The following MED13 variants were observed in gnomAD, a reference collection of about 807,000 sequenced individuals.
MED13 encodes mediator complex subunit 13, also known as mediator of RNA polymerase II transcription subunit 13.
MED13 carries 23 observed loss-of-function variants against 225.2 expected under a neutral mutation model. The observed-to-expected ratio is 0.10, with a 90% CI of 0.07 to 0.14. The LOEUF is 0.14. Among genes scored for constraint, MED13 ranks in the 10% least tolerant of loss-of-function variants. MED13 has a pLI of 1.00. For synonymous variants in MED13, 942 were observed against 889.2 expected, an observed-to-expected ratio of 1.06 and a Z score of -1.06; for missense variants, 2,197 against 2,594.5, an observed-to-expected ratio of 0.85 and a Z score of 3.33.
At chr17:61,957,115 C>T (rs1040716229) in intron 23 of MED13, among the ~76,000 whole-genome samples, 6 of 152,050 alleles carry the variant, frequency 3.9e-5, no homozygotes, top group Non-Finnish European at 7.4e-5. Flanking sequence ...GGCACAATCT[C>T]GGCTCACTGC....
chr17:61,982,828 G>A lies in MED13; in HGVS notation c.3175C>T (p.Pro1059Ser), dbSNP rs1351187385. The A allele has an allele frequency of 6.2e-7, 1 of 1,614,184 alleles. No individual in the cohort carries two copies. The highest frequency in any genetic ancestry group is 1.7e-5 in the Admixed American group (1 of 60,008). The change falls in exon 16 of 30, where the codon CCT (proline) becomes TCT (serine). Residue 1059 changes from proline (P) to serine (S), a missense_variant. Pro to Ser is a moderately conservative substitution (Grantham distance 74). Coordinates refer to ENST00000397786, the MANE Select transcript of MED13 (RefSeq NM_005121.3). ...STCRPLNSVE[P>S]ATVPSIPEAH... is the part of the protein sequence containing the mutation. ...TCAGGGATGGAAGGGACAGTTGCAGGTTCAACAGAATTAAGGGGTCTGCAT... is the reference window on the plus strand; with the variant it reads ...TCAGGGATGGAAGGGACAGTTGCAGATTCAACAGAATTAAGGGGTCTGCAT...
At chr17:62,004,571 A>G (rs1350495236) in intron 9 of MED13, 1 of 152,208 alleles carries the variant, frequency 6.6e-6, no homozygotes, top group Non-Finnish European at 1.5e-5. Flanking sequence ...TGGTGTAGCT[A>G]AATCAGGAGA....
rs985882065 is a variant in MED13, at chr17:61,942,844, G to C, written c.*3624C>G. 6.6e-6 allele frequency: 1 copy of C among 152,472 alleles called. No homozygotes were observed. Among genetic ancestry groups the C allele is most frequent in the Non-Finnish European group, 1.5e-5 (1 of 67,968 alleles). The allele number at this position is 152,472 out of a possible 1,614,324, so 9.4% of individuals were successfully genotyped here. ...CAACTTTAAAACGCCCCTTCATAAA[G>C]TGACCAAGCTATTTTGAGAGGGTTG... On this transcript the variant is annotated 3_prime_UTR_variant, in exon 30 of 30. Transcript: ENST00000397786.
chr17:61,955,153 T>C (rs769597602), intron 26 of MED13, among the ~76,000 whole-genome samples: 8 of 152,228 alleles, frequency 5.3e-5, no homozygotes, highest in Non-Finnish European at 8.8e-5. Flanking sequence ...TCTTCTCTTC[T>C]ATGTAGTCAA....
rs2079910310 is a variant in MED13 at position 61,953,014 on chromosome 17, G to A, written c.6068C>T (p.Pro2023Leu). ...GTAATGAGATCCTGGAGAATGTACA[G>A]GAGAACCAGTTGGAGAAGCAGGAAG... ...NILPASPTGSPVHSPGSHYPH... is the reference protein window; with the variant it reads ...NILPASPTGSLVHSPGSHYPH... The change falls in exon 27 of 30, where the codon CCT (proline) becomes CTT (leucine). Residue 2023 changes from proline (P) to leucine (L), a missense_variant. Pro to Leu is a moderately conservative substitution (Grantham distance 98). Transcript: ENST00000397786. 6.2e-7 allele frequency: 1 copy of A among 1,614,104 alleles called. No homozygotes were observed. The highest frequency in any genetic ancestry group is 1.3e-5 in the African/African-American group (1 of 75,046).
chr17:61,962,804 A>G lies in MED13; in HGVS notation c.5012T>C (p.Leu1671Pro), dbSNP rs2080013665. The G allele has an allele frequency of 6.2e-7, 1 of 1,614,082 alleles. No individual in the cohort carries two copies. Among genetic ancestry groups the G allele is most frequent in the Non-Finnish European group, 8.5e-7 (1 of 1,180,052 alleles). Residue 1671 changes from leucine (L) to proline (P), a missense_variant, in exon 21 of 30, where the codon CTA (leucine) becomes CCA (proline). Transcript: ENST00000397786. ...VWTLGLLRCF[L>P]EMVQTLPPHI... ...AGGAGGAAGAGTCTGGACCATTTCT[A>G]GAAAGCATCGAAGTAGCCCCAATGT...
chr17:62,015,997 T>G (rs2080576215), intron 8 of MED13, among the ~76,000 whole-genome samples: 1 of 107,858 alleles, frequency 9.3e-6, no homozygotes. Flanking sequence ...AGAGACCGGT[T>G]TTTGCCATGT....
At chr17:62,038,065 C>A in intron 3 of MED13, among the ~76,000 whole-genome samples, 1 of 140,712 alleles carries the variant, frequency 7.1e-6, no homozygotes, top group East Asian at 2.4e-4. Context: ...TTCTTAAAAA[C>A]ACAGTTTTCA....
intron 23 of MED13, among the ~76,000 whole-genome samples, chr17:61,957,692 C>G (rs1296842190): frequency 6.6e-6 from 1 of 152,026 alleles, no homozygotes; most frequent in East Asian, 1.9e-4. Context: ...TGGAAATAGC[C>G]AGATTTGGTC....
At chr17:61,990,767 T>C (rs1186358586) in intron 11 of MED13, among the ~76,000 whole-genome samples, 2 of 152,076 alleles carry the variant, frequency 1.3e-5, no homozygotes, top group African/African-American at 2.4e-5. Context: ...TACTATACTA[T>C]GTCTCTCTAT....
At chr17:62,048,054 A>G (rs1456008190) in intron 3 of MED13, among the ~76,000 whole-genome samples, 2 of 145,756 alleles carry the variant, frequency 1.4e-5, no homozygotes, top group Non-Finnish European at 3.0e-5. Flanking sequence ...ATATATATAT[A>G]TATATATATG....
At chr17:62,044,854 G>T (rs2080885350) in intron 3 of MED13, among the ~76,000 whole-genome samples, 1 of 152,146 alleles carries the variant, frequency 6.6e-6, no homozygotes, top group Non-Finnish European at 1.5e-5. Flanking sequence ...TAGAGACAGG[G>T]TTTCACCATG....
At chr17:62,014,195 G>A (rs1269250030) in intron 8 of MED13, among the ~76,000 whole-genome samples, 1 of 152,016 alleles carries the variant, frequency 6.6e-6, no homozygotes, top group Non-Finnish European at 1.5e-5. Flanking sequence ...CACCATCTAT[G>A]AAGTACTCTT....
chr17:62,049,129 G>A (rs1039603110), intron 3 of MED13, among the ~76,000 whole-genome samples: 1 of 144,340 alleles, frequency 6.9e-6, no homozygotes, highest in African/African-American at 2.6e-5. Flanking sequence ...CAACAAGAAG[G>A]GAAAAGCAAA....
intron 8 of MED13, 129 bp from the exon 9 acceptor site, chr17:62,011,362 T>C (rs1452980228): frequency 1.2e-6 from 1 of 833,302 alleles, no homozygotes; most frequent in Non-Finnish European, 1.7e-6. Flanking sequence ...GTAAAATAAT[T>C]TGAATTTGAA....
intron 3 of MED13, among the ~76,000 whole-genome samples, chr17:62,037,395 T>C (rs2080813042): frequency 6.6e-6 from 1 of 152,152 alleles, no homozygotes; most frequent in Non-Finnish European, 1.5e-5. Flanking sequence ...CTGGGAGTGG[T>C]GGCTCATGCC....
intron 27 of MED13, among the ~76,000 whole-genome samples, chr17:61,951,569 C>CA (rs556040542): frequency 4.7e-5 from 7 of 150,364 alleles, no homozygotes; most frequent in Non-Finnish European, 8.9e-5. Context: ...TTATCTATAA[C>CA]AAAAAAAAAT....
intron 2 of MED13, among the ~76,000 whole-genome samples, chr17:62,061,694 G>A (rs1393107443): frequency 2.0e-5 from 3 of 152,086 alleles, no homozygotes; most frequent in Non-Finnish European, 2.9e-5. Context: ...GGAGGCTGGC[G>A]GACTTAGCTT....
At chr17:62,005,742 C>G (rs967289348) in intron 9 of MED13, 1 of 152,196 alleles carries the variant, frequency 6.6e-6, no homozygotes, top group African/African-American at 2.4e-5. Context: ...TTTTAAGAGA[C>G]AGGGTCTCAC....
Sources: gnomAD v4.1 joint callset for allele counts (sites outside exome capture counted in the v4.1 genomes callset) on GRCh38, gnomAD v4.1.1 for gene constraint, MANE v1.5 for transcripts, NCBI Gene and HGNC (gene_info 2026-07-23, HGNC 2026-07-21) for gene names.